The following CDHR5 variants were observed in gnomAD, a reference collection of about 807,000 sequenced individuals.
The protein encoded by CDHR5 is cadherin-related family member 5.
CDHR5 carries 82 observed loss-of-function variants against 69.5 expected under a neutral mutation model. The ratio of observed to expected loss-of-function variants is 1.18; its 90% CI spans 0.99 to 1.42. CDHR5 has a LOEUF of 1.42. CDHR5 is among the 40% of genes most tolerant of loss of function. The pLI is 0.00. For missense variants in CDHR5, 1,293 were observed against 1,168.9 expected (o/e 1.11, Z -1.55); for synonymous variants, 601 against 510.2 (o/e 1.18, Z -2.40).
chr11:617,271 T>C lies in CDHR5; in HGVS notation c.*80A>G. ...ATGGCCTGGGTTTCGGGAGCCTTGC[T>C]TTATTCTGCCTCGGGTCGGAGGCTG... On this transcript the variant is annotated 3_prime_UTR_variant, in exon 15 of 15. Transcript: ENST00000397542. 8.3e-7 allele frequency: 1 copy of C among 1,202,894 alleles called. No homozygotes were observed. Among genetic ancestry groups the C allele is most frequent in the Non-Finnish European group, 1.2e-6 (1 of 852,768 alleles). 74.5% of individuals were successfully genotyped at this position (1,202,894 alleles called of 1,614,324 possible). A position where few individuals can be genotyped will look rare whatever the true frequency, so the allele number is the denominator to read the frequency against.
In CDHR5 at chr11:619,322, C is replaced by G. The variant is rs61732115; in HGVS notation, c.1362G>C (p.Gln454His). 1.2e-6 allele frequency: 2 copies of G among 1,612,366 alleles called. No individual in the cohort carries two copies. Among genetic ancestry groups the G allele is most frequent in the Admixed American group, 3.3e-5 (2 of 59,946 alleles). ...TTVIEIQVSE[Q>H]EPPSTDVPPS... ...GGGGCTTACCTGTGGAGGGGGGCTC[C>G]TGTTCGGAAACTTGTATCTCAATGA... Residue 454 changes from glutamine to histidine, a missense_variant, in exon 12 of 15, where the codon CAG becomes CAC. Coordinates refer to ENST00000397542, the MANE Select transcript of CDHR5 (RefSeq NM_021924.5).
Position 618,956 on chromosome 11 carries a change from G to T in CDHR5, c.1603C>A (p.Pro535Thr), listed in dbSNP as rs745980203. ...GGGGTCTGTGCTGTGTCCCCACCGGGAGTGGCTGGTTGGTGGGAGGTGCTG... is the reference window on the plus strand; with the variant it reads ...GGGGTCTGTGCTGTGTCCCCACCGGTAGTGGCTGGTTGGTGGGAGGTGCTG... ...ENSTSHQPAT[P>T]GGDTAQTPKP... The change falls in exon 13 of 15, where the codon CCC becomes ACC. Residue 535 changes from proline to threonine, a missense_variant. By Grantham distance (38) the Pro-to-Thr change is conservative (BLOSUM62 -1). Transcript: ENST00000397542. 9 of 1,610,874 alleles carry T rather than the reference G, an allele frequency of 5.6e-6. No homozygotes were observed. In the African/African-American group the frequency reaches 1.1e-4, roughly 19 times the overall value.
rs368300364 is a variant in CDHR5 at position 617,573 on chromosome 11, C to A, written c.2316G>T (p.Thr772=). 7 of 1,611,582 alleles carry A rather than the reference C, an allele frequency of 4.3e-6. No homozygotes were observed. In the East Asian group the frequency reaches 8.9e-5, roughly 21 times the overall value. Reference sequence around the variant, plus strand: ...CCTTGGTCAGGATGGACCTCACCGCCGTGGGGCTTCCGCCAGCTCGGGCCG... The same window carrying A: ...CCTTGGTCAGGATGGACCTCACCGCAGTGGGGCTTCCGCCAGCTCGGGCCG... The part of the protein sequence containing the change: ...PAAARAGGSP[T]AVRSILTKER... The change falls in exon 15 of 15, where the codon ACG becomes ACT. Residue 772 remains threonine, a synonymous_variant. Transcript: ENST00000397542.
chr11:618,511 G>A, intron 13 of CDHR5, 88 bp downstream of exon 13: 1 of 1,485,322 alleles, frequency 6.7e-7, no homozygotes, highest in Non-Finnish European at 9.2e-7. Flanking sequence ...GTCAGGCCAG[G>A]TCAGCCTGGG....
In CDHR5 at chr11:621,490, C is replaced by G. The variant is rs770029210; in HGVS notation, c.508-35G>C. On this transcript the variant is annotated intron_variant, in intron 5 of 14. Transcript: ENST00000397542. This position sits in a 1 kb window ranked among gnomAD's most constrained non-coding sequence, Gnocchi z 4.4. ...GTCAGGGAGGACAGAGCCTAAGAGC[C>G]TTGGAGGGCGAGGGCGGCTGTGGGT... 6.2e-7 allele frequency: 1 copy of G among 1,602,026 alleles called. No individual in the cohort carries two copies. Among genetic ancestry groups the G allele is most frequent in the Non-Finnish European group, 8.6e-7 (1 of 1,169,452 alleles).
In CDHR5 at chr11:621,522, G is replaced by T; in HGVS notation, c.507+40C>A. On this transcript the variant is annotated intron_variant, in intron 5 of 14. Transcript: ENST00000397542. The surrounding 1 kb of genome is among the most constrained non-coding windows in gnomAD (Gnocchi z 4.4). ...GGCGAGGGCGGCTGTGGGTGTCAGA[G>T]GCGAGGGGCTCGTGCTGGGGCAGGG... is the stretch of plus-strand genomic sequence containing the variant. 6.3e-7 allele frequency: 1 copy of T among 1,592,546 alleles called. No homozygotes were observed. Among genetic ancestry groups the T allele is most frequent in the Non-Finnish European group, 8.6e-7 (1 of 1,160,566 alleles).
At position 617,553 on chromosome 11, in the gene CDHR5, G is replaced by A. The variant is rs1857013087; in HGVS notation, c.2336C>T (p.Thr779Ile). The A allele has an allele frequency of 1.2e-6, 2 of 1,612,270 alleles. No individual in the cohort carries two copies. The highest frequency in any genetic ancestry group is 1.7e-6 in the Non-Finnish European group (2 of 1,179,618). Residue 779 changes from threonine to isoleucine, a missense_variant, in exon 15 of 15, where the codon ACC (threonine) becomes ATC (isoleucine). Transcript: ENST00000397542. The part of the protein sequence containing the change: ...GSPTAVRSIL[T>I]KERRPEGGYK... ...CCCGCCCTCCGGCCGCCGCTCCTTGGTCAGGATGGACCTCACCGCCGTGGG... is the reference window on the plus strand; with the variant it reads ...CCCGCCCTCCGGCCGCCGCTCCTTGATCAGGATGGACCTCACCGCCGTGGG...
At position 617,602 on chromosome 11, in the gene CDHR5, C is replaced by G. The variant is rs770378107; in HGVS notation, c.2287G>C (p.Ala763Pro). The G allele has an allele frequency of 5.6e-6, 9 of 1,605,644 alleles. No individual in the cohort carries two copies. The Admixed American group carries it at 1.5e-4, about 27-fold the overall frequency. The change falls in exon 15 of 15, where the codon GCA becomes CCA. Residue 763 changes from alanine to proline, a missense_variant. Coordinates refer to ENST00000397542, the MANE Select transcript of CDHR5 (RefSeq NM_021924.5). ...ASPGGAPEPP[A>P]AARAGGSPTA... is the part of the protein sequence containing the mutation. ...GGGCTTCCGCCAGCTCGGGCCGCTG[C>G]GGGGGGCTCAGGGGCACCGCCTGGG...
At position 624,845 on chromosome 11, in the gene CDHR5, G is replaced by T. The variant is rs1857635847; in HGVS notation, c.58C>A (p.Pro20Thr). 1.9e-6 allele frequency: 3 copies of T among 1,601,222 alleles called. No homozygotes were observed. Among genetic ancestry groups the T allele is most frequent in the Non-Finnish European group, 2.6e-6 (3 of 1,175,430 alleles). Residue 20 changes from proline to threonine, a missense_variant, in exon 1 of 15, where the codon CCC (proline) becomes ACC (threonine). Pro to Thr is a conservative substitution (Grantham distance 38). Coordinates refer to ENST00000397542, the MANE Select transcript of CDHR5 (RefSeq NM_021924.5). This position sits in a 1 kb window ranked among gnomAD's most constrained non-coding sequence, Gnocchi z 5.3. ...PLLFTGLLVRPPGTMAQAQYC... is the reference protein window; with the variant it reads ...PLLFTGLLVRTPGTMAQAQYC... ...TGGGCCTGGGCCATGGTCCCCGGGG[G>T]TCGGACGAGCAGCCCGGTGAACAGC... is the stretch of plus-strand genomic sequence containing the variant.
rs764911557 is a variant in CDHR5 at position 617,432 on chromosome 11, G to A, written c.2457C>T (p.Ser819=). Residue 819 remains serine, a synonymous_variant, in exon 15 of 15, where the codon TCC becomes TCT. Transcript: ENST00000397542. The part of the protein sequence containing the change: ...PTLDVDGASD[S]GSGDEGEGAG... ...CGCCCTCGCCCTCATCGCCGCTGCCGGAGTCACTGGCGCCATCCACGTCCA... is the reference window on the plus strand; with the variant it reads ...CGCCCTCGCCCTCATCGCCGCTGCCAGAGTCACTGGCGCCATCCACGTCCA... 22 of 1,611,812 alleles carry A rather than the reference G, an allele frequency of 1.4e-5. No individual in the cohort carries two copies. The highest frequency in any genetic ancestry group is 4.4e-5 in the South Asian group (4 of 91,062).
intron 12 of CDHR5, 56 bp downstream of exon 12, chr11:619,250 C>T (rs1857201908): frequency 6.7e-7 from 1 of 1,491,392 alleles, no homozygotes; most frequent in African/African-American, 1.4e-5. Context: ...GGAAAGGAGC[C>T]ACCGAAGGGG....
chr11:622,114 G>A (rs892400168), intron 3 of CDHR5, among the ~76,000 whole-genome samples: 1 of 152,114 alleles, frequency 6.6e-6, no homozygotes, highest in Non-Finnish European at 1.5e-5. Flanking sequence ...CGTGAGTGAG[G>A]TGCACCCCTC....
At position 620,293 on chromosome 11, in the gene CDHR5, C is replaced by G. The variant is rs768899352; in HGVS notation, c.880+3G>C. On this transcript the variant is annotated splice_donor_region_variant and intron_variant, in intron 8 of 14. Coordinates refer to ENST00000397542, the MANE Select transcript of CDHR5 (RefSeq NM_021924.5). ...GCATTGTTGAGGGCTGGGCCCCACT[C>G]ACCCCTAAAGATGCTGTAGATGATG... The G allele has an allele frequency of 1.2e-6, 2 of 1,609,044 alleles. No homozygotes were observed. Among genetic ancestry groups the G allele is most frequent in the South Asian group, 2.2e-5 (2 of 90,460 alleles).
chr11:619,470 G>T lies in CDHR5; in HGVS notation c.1293+4C>A. 6.2e-7 allele frequency: 1 copy of T among 1,608,564 alleles called. No homozygotes were observed. The highest frequency in any genetic ancestry group is 8.5e-7 in the Non-Finnish European group (1 of 1,175,264). ...TGGAGATGCCCGCCTGCCCTGCCCC[G>T]CACCTCTGCGTAGAAGGCTCCCGCC... On this transcript the variant is annotated splice_donor_region_variant and intron_variant, in intron 11 of 14. Coordinates refer to ENST00000397542, the MANE Select transcript of CDHR5 (RefSeq NM_021924.5).
intron 7 of CDHR5, 143 bp downstream of exon 7, chr11:620,937 T>C: frequency 1.7e-6 from 1 of 583,868 alleles, no homozygotes; most frequent in Non-Finnish European, 2.9e-6. Context: ...ACAAGGAGAG[T>C]CTGCATTTGT....
intron 7 of CDHR5, 151 bp from the exon 8 acceptor site, chr11:620,537 C>A: frequency 1.7e-6 from 1 of 576,794 alleles, no homozygotes; most frequent in South Asian, 2.3e-5. Context: ...AGGACAGTCC[C>A]TTGTCCCAGC....
chr11:618,976 G>T lies in CDHR5; in HGVS notation c.1583C>A (p.Thr528Asn), dbSNP rs371167637. 1 of 1,613,728 alleles carries T rather than the reference G, an allele frequency of 6.2e-7. No individual in the cohort carries two copies. Among genetic ancestry groups the T allele is most frequent in the Non-Finnish European group, 8.5e-7 (1 of 1,179,794 alleles). ...ACCGGGAGTGGCTGGTTGGTGGGAG[G>T]TGCTGTTTTCTGCACCCGGGGGCCC... ...PGGPPGAENS[T>N]SHQPATPGGD... is the part of the protein sequence containing the mutation. Residue 528 changes from threonine to asparagine, a missense_variant, in exon 13 of 15, where the codon ACC becomes AAC. By Grantham distance (65) the Thr-to-Asn change is moderately conservative. Transcript: ENST00000397542.
chr11:619,232 C>T (rs1205632419), intron 12 of CDHR5, 52 bp from the exon 13 acceptor site: 3 of 1,473,290 alleles, frequency 2.0e-6, no homozygotes, highest in African/African-American at 1.4e-5. Context: ...CCTTGCACAC[C>T]TACCGCGGGA....
intron 3 of CDHR5, among the ~76,000 whole-genome samples, chr11:623,193 C>T (rs1293690711): frequency 2.6e-5 from 4 of 152,110 alleles, no homozygotes; most frequent in South Asian, 2.1e-4. Flanking sequence ...CTTGTAATCC[C>T]AGCTACTCAA....
Sources: allele counts gnomAD v4.1 joint callset (sites outside exome capture counted in the v4.1 genomes callset), GRCh38; gene constraint gnomAD v4.1.1; non-coding constraint Gnocchi (gnomAD v3.1); transcripts MANE v1.5; gene names NCBI Gene and HGNC (gene_info 2026-07-23, HGNC 2026-07-21).